Variants in POFUT3 observed in about 807,000 individuals in gnomAD.
POFUT3 encodes the protein protein O-fucosyltransferase 3.
the POFUT3 span, among the ~76,000 whole-genome samples, chr8:33,338,100 C>A: frequency 6.6e-6 from 1 of 152,120 alleles, no homozygotes; most frequent in African/African-American, 2.4e-5. Flanking sequence ...TTAGGGCCAC[C>A]CCTAAAATCT....
chr8:33,312,529 T>C, the POFUT3 span, among the ~76,000 whole-genome samples: 1 of 152,212 alleles, frequency 6.6e-6, no homozygotes, highest in Non-Finnish European at 1.5e-5. Context: ...TGAGTTAGTT[T>C]TACTAACAAC....
At chr8:33,326,698 A>G in the POFUT3 span, among the ~76,000 whole-genome samples, 1 of 152,076 alleles carries the variant, frequency 6.6e-6, no homozygotes, top group African/African-American at 2.4e-5. Context: ...CCTTTGCCTG[A>G]CTTTAGAGAT....
the POFUT3 span, among the ~76,000 whole-genome samples, chr8:33,373,523 T>G: frequency 6.6e-5 from 10 of 152,232 alleles, no homozygotes; most frequent in South Asian, 2.1e-3. Flanking sequence ...ATTTCCATGG[T>G]CTCCTAACTA....
the POFUT3 span, among the ~76,000 whole-genome samples, chr8:33,412,608 T>G: frequency 6.6e-6 from 1 of 152,172 alleles, no homozygotes; most frequent in African/African-American, 2.4e-5. Flanking sequence ...ATTGCATCTC[T>G]GCTTTGCCAT....
At chr8:33,420,112 A>C in the POFUT3 span, among the ~76,000 whole-genome samples, 1 of 152,152 alleles carries the variant, frequency 6.6e-6, no homozygotes, top group East Asian at 1.9e-4. Context: ...CTGGGAAACA[A>C]ACTGAGACCC....
the POFUT3 span, among the ~76,000 whole-genome samples, chr8:33,343,795 A>G: frequency 4.5e-4 from 68 of 152,356 alleles, no homozygotes; most frequent in South Asian, 8.3e-4. Flanking sequence ...CAATATTTGG[A>G]GCAGAAACTC....
the POFUT3 span, among the ~76,000 whole-genome samples, chr8:33,392,541 G>A: frequency 3.3e-5 from 5 of 151,954 alleles, no homozygotes; most frequent in Non-Finnish European, 5.9e-5. Context: ...ATCACATCAC[G>A]ATACTTCAGC....
chr8:33,442,300 TGGGG>T, the POFUT3 span, among the ~76,000 whole-genome samples: 2 of 124,706 alleles, frequency 1.6e-5, no homozygotes, highest in Non-Finnish European at 1.8e-5. Flanking sequence ...CTTTTTTTTT[TGGGG>T]GGGGACAGAG....
chr8:33,313,614 A>G, the POFUT3 span, among the ~76,000 whole-genome samples: 1 of 151,744 alleles, frequency 6.6e-6, no homozygotes, highest in South Asian at 2.1e-4. Context: ...CCTATTCCAG[A>G]TGGGCTCTGA....
At chr8:33,329,961 T>C in the POFUT3 span, among the ~76,000 whole-genome samples, 31 of 152,246 alleles carry the variant, frequency 2.0e-4, no homozygotes, top group Admixed American at 1.6e-3. Context: ...CCCCAGATCA[T>C]TTTACCCTTT....
the POFUT3 span, among the ~76,000 whole-genome samples, chr8:33,427,290 A>G: frequency 6.6e-6 from 1 of 151,642 alleles, no homozygotes; most frequent in East Asian, 1.9e-4. Context: ...AACAAAAACA[A>G]AAAAGGGCCA....
At chr8:33,429,735 C>G in the POFUT3 span, among the ~76,000 whole-genome samples, 1 of 152,000 alleles carries the variant, frequency 6.6e-6, no homozygotes, top group South Asian at 2.1e-4. Flanking sequence ...GTGACTCACA[C>G]CTGTAATCCC....
At chr8:33,389,455 G>A in the POFUT3 span, 22 of 1,614,204 alleles carry the variant, frequency 1.4e-5, no homozygotes, top group Admixed American at 1.2e-4. Context: ...CATAGGAATC[G>A]ACCTCGATGT....
chr8:33,318,695 T>C, the POFUT3 span, among the ~76,000 whole-genome samples: 1 of 78,740 alleles, frequency 1.3e-5, no homozygotes, highest in Non-Finnish European at 2.2e-5. Context: ...ATTTTATATA[T>C]ATTTATATAA....
chr8:33,380,841 A>AC, the POFUT3 span, among the ~76,000 whole-genome samples: 1 of 151,762 alleles, frequency 6.6e-6, no homozygotes, highest in African/African-American at 2.4e-5. Context: ...TGTCTCAAAA[A>AC]AAAAAAAAAA....
At chr8:33,380,187 T>C in the POFUT3 span, among the ~76,000 whole-genome samples, 64 of 51,302 alleles carry the variant, frequency 1.2e-3, no homozygotes, top group East Asian at 0.01. Flanking sequence ...TATATATATA[T>C]ACTATATATA....
chr8:33,465,019 C>G, the POFUT3 span, among the ~76,000 whole-genome samples: 8 of 152,120 alleles, frequency 5.3e-5, no homozygotes, highest in Non-Finnish European at 8.8e-5. Context: ...GGGTCCCAAT[C>G]CTGGTTCTTT....
the POFUT3 span, among the ~76,000 whole-genome samples, chr8:33,412,169 GT>G: frequency 6.6e-6 from 1 of 152,284 alleles, no homozygotes; most frequent in East Asian, 1.9e-4. Flanking sequence ...AATCCTCAAT[GT>G]AAGTAAAACC....
At chr8:33,435,833 A>T in the POFUT3 span, among the ~76,000 whole-genome samples, 6,130 of 149,168 alleles carry the variant, frequency 0.041, 184 homozygotes, top group African/African-American at 0.081. Context: ...GTTTTTATAT[A>T]TTTTTTTTCA....
Sources: gnomAD v4.1 joint callset for allele counts (sites outside exome capture counted in the v4.1 genomes callset) on GRCh38, gnomAD v4.1.1 for gene constraint, MANE v1.5 for transcripts, NCBI Gene and HGNC (gene_info 2026-07-23, HGNC 2026-07-21) for gene names.